ELP4: variants seen among roughly 807,000 people sequenced by gnomAD.
ELP4 encodes the protein elongator complex protein 4.
In ELP4, 51 loss-of-function variants were observed where a neutral mutation model predicts 48.9. The observed-to-expected ratio is 1.04, with a 90% CI of 0.83 to 1.32. The LOEUF (loss-of-function observed/expected upper bound fraction) is 1.32, where lower values mean the gene tolerates loss of function less well. Ranked by LOEUF, ELP4 falls within the 40% of genes most tolerant of loss-of-function variation. The probability of loss-of-function intolerance (pLI) is 0.00; values close to 1 mark genes in which losing one functional copy is unlikely to be tolerated. For synonymous variants in ELP4, 210 were observed against 189.2 expected, an observed-to-expected ratio of 1.11 and a Z score of -0.90; for missense variants, 519 against 514.6, an observed-to-expected ratio of 1.01 and a Z score of -0.08.
chr11:31,538,869 T>C (rs1207150270), intron 2 of ELP4, among the ~76,000 whole-genome samples: 3 of 152,170 alleles, frequency 2.0e-5, no homozygotes, highest in Non-Finnish European at 4.4e-5. Context: ...TTTCCTCTTT[T>C]CTGAAAAGAG....
chr11:31,647,693 C>A, intron 7 of ELP4, 48 bp from the exon 8 acceptor site: 1 of 1,097,224 alleles, frequency 9.1e-7, no homozygotes, highest in Non-Finnish European at 1.4e-6. Flanking sequence ...AGATATTATA[C>A]TATTAACATA....
chr11:31,697,042 C>T (rs1300966109), intron 9 of ELP4, among the ~76,000 whole-genome samples: 1 of 151,846 alleles, frequency 6.6e-6, no homozygotes, highest in East Asian at 1.9e-4. Flanking sequence ...TTTAAACCAA[C>T]AAAAATCAAA....
chr11:31,771,442 C>T (rs1052452975), intron 9 of ELP4, among the ~76,000 whole-genome samples: 3 of 152,134 alleles, frequency 2.0e-5, no homozygotes, highest in Non-Finnish European at 4.4e-5. Context: ...TTCCTTGCTA[C>T]CCCTTGCCCT....
chr11:31,766,731 G>A (rs1948050057), intron 9 of ELP4, among the ~76,000 whole-genome samples: 1 of 151,964 alleles, frequency 6.6e-6, no homozygotes, highest in Non-Finnish European at 1.5e-5. Context: ...TATAATTGAA[G>A]ATGCCTGTTA....
intron 3 of ELP4, among the ~76,000 whole-genome samples, chr11:31,564,480 T>G (rs1177427369): frequency 1.3e-5 from 2 of 152,068 alleles, no homozygotes; most frequent in Non-Finnish European, 2.9e-5. Context: ...GTTGCACCCA[T>G]TAACTCATCA....
At chr11:31,625,582 A>G (rs2134035160) in intron 5 of ELP4, among the ~76,000 whole-genome samples, 1 of 151,982 alleles carries the variant, frequency 6.6e-6, no homozygotes, top group East Asian at 1.9e-4. Context: ...ATCCCCTGTT[A>G]TTATTATATG....
intron 3 of ELP4, among the ~76,000 whole-genome samples, chr11:31,569,522 GAGTGGATTAC>G (rs1282996352): frequency 6.6e-6 from 1 of 152,124 alleles, no homozygotes. Context: ...AGGCCGAGGT[GAGTGGATTAC>G]CTGAGGTCAG....
At chr11:31,613,106 G>A (rs1412427513) in intron 5 of ELP4, among the ~76,000 whole-genome samples, 1 of 152,180 alleles carries the variant, frequency 6.6e-6, no homozygotes, top group East Asian at 1.9e-4. Flanking sequence ...AAAAACTGCA[G>A]CAATGGCTGT....
intron 3 of ELP4, among the ~76,000 whole-genome samples, chr11:31,581,750 G>C (rs1178987415): frequency 7.4e-6 from 1 of 134,834 alleles, no homozygotes; most frequent in Non-Finnish European, 1.5e-5. Flanking sequence ...CTCATGTTCT[G>C]TCTTTTTTTT....
intron 9 of ELP4, among the ~76,000 whole-genome samples, chr11:31,724,653 G>A (rs1316646831): frequency 6.6e-6 from 1 of 152,184 alleles, no homozygotes; most frequent in Admixed American, 6.5e-5. Context: ...CAGAGTGTAG[G>A]ATGTCACCAT....
At chr11:31,588,158 T>A (rs1000525855) in intron 3 of ELP4, among the ~76,000 whole-genome samples, 4 of 152,306 alleles carry the variant, frequency 2.6e-5, no homozygotes, top group Admixed American at 2.6e-4. Context: ...TCCAGATCTT[T>A]CCATTCTATT....
At chr11:31,561,856 C>T (rs1028451328) in intron 3 of ELP4, among the ~76,000 whole-genome samples, 27 of 152,280 alleles carry the variant, frequency 1.8e-4, no homozygotes, top group African/African-American at 6.5e-4. Context: ...AAAATTAATA[C>T]ATACTACATG....
intron 3 of ELP4, among the ~76,000 whole-genome samples, chr11:31,541,676 C>T (rs892882020): frequency 6.6e-6 from 1 of 152,244 alleles, no homozygotes; most frequent in South Asian, 2.1e-4. Flanking sequence ...AAAATTTGCA[C>T]AGTTTGCTTT....
intron 9 of ELP4, among the ~76,000 whole-genome samples, chr11:31,770,616 G>T (rs1344440092): frequency 6.6e-6 from 1 of 151,004 alleles, no homozygotes; most frequent in Non-Finnish European, 1.5e-5. Flanking sequence ...CTTTCAGTTT[G>T]CATAGAAAGT....
rs1353540723 is a variant in ELP4 at position 31,569,738 on chromosome 11, A to G, written c.382-25032A>G. On this transcript the variant is annotated intron_variant, in intron 3 of 9. Coordinates refer to ENST00000640961, the MANE Select transcript of ELP4 (RefSeq NM_019040.5). ...GAGACTCTGTCTCAAAAAAAGGAAG[A>G]CATACAAATGGCCAACAAACATGAA... Among the ~76,000 whole-genome samples the G allele has an allele frequency of 3.3e-5, 5 of 152,226 alleles. No individual in the cohort carries two copies. The East Asian group carries it at 7.7e-4, about 23-fold the overall frequency.
rs573764649 is a variant in ELP4 at position 31,546,336 on chromosome 11, G to A, written c.381+6553G>A. ...CAAAAAAAGGCAGGGGTTGCAATCC[G>A]AGTCTCTGATAAAACAGACTTTAAA... On this transcript the variant is annotated intron_variant, in intron 3 of 9. Transcript: ENST00000640961. 1.8e-3 allele frequency among the ~76,000 whole-genome samples: 274 copies of A among 152,070 alleles called. 1 individual carries two copies. Among genetic ancestry groups the A allele is most frequent in the African/African-American group, 6.4e-3 (264 of 41,490 alleles).
intron 3 of ELP4, among the ~76,000 whole-genome samples, chr11:31,591,216 C>T (rs1348683357): frequency 6.6e-6 from 1 of 151,820 alleles, no homozygotes; most frequent in Non-Finnish European, 1.5e-5. Flanking sequence ...ACTATCCTGG[C>T]TAACATGGTG....
intron 7 of ELP4, among the ~76,000 whole-genome samples, chr11:31,642,605 T>A (rs1257648019): frequency 6.6e-6 from 1 of 151,886 alleles, no homozygotes; most frequent in Non-Finnish European, 1.5e-5. Flanking sequence ...AGGCAGATAA[T>A]GTTACATTTA....
intron 3 of ELP4, among the ~76,000 whole-genome samples, chr11:31,548,143 T>C (rs1363316285): frequency 3.9e-5 from 6 of 151,954 alleles, no homozygotes; most frequent in East Asian, 3.9e-4. Context: ...CCAGGGCAAT[T>C]AGGCAGGAGA....
Sources: gnomAD v4.1 joint callset for allele counts (sites outside exome capture counted in the v4.1 genomes callset) on GRCh38, gnomAD v4.1.1 for gene constraint, MANE v1.5 for transcripts, NCBI Gene and HGNC (gene_info 2026-07-23, HGNC 2026-07-21) for gene names.